DNAH5: variants seen among roughly 807,000 people sequenced by gnomAD.
DNAH5 encodes dynein axonemal heavy chain 5, also known as axonemal beta dynein heavy chain 5.
A neutral mutation model predicts 518.2 loss-of-function variants in DNAH5; 372 were observed. That is an observed-to-expected ratio of 0.72 (90% CI 0.66 to 0.78). The LOEUF is 0.78. Among genes scored for constraint, DNAH5 ranks in the 30% least tolerant of loss-of-function variants. The pLI is 0.00. For synonymous variants in DNAH5, 2,039 were observed against 2,025.9 expected, an observed-to-expected ratio of 1.01 and a Z score of -0.17; for missense variants, 5,523 against 5,687.0, an observed-to-expected ratio of 0.97 and a Z score of 0.93.
chr5:13,758,732 T>C, intron 61 of DNAH5, 114 bp downstream of exon 61: 2 of 1,452,186 alleles, frequency 1.4e-6, no homozygotes, highest in Non-Finnish European at 1.9e-6. Flanking sequence ...GTGTCCATTA[T>C]GTGCTATGTA....
intron 6 of DNAH5, among the ~76,000 whole-genome samples, chr5:13,919,731 G>A (rs1421473014): frequency 6.6e-6 from 1 of 152,046 alleles, no homozygotes; most frequent in Non-Finnish European, 1.5e-5. Context: ...AGAGTATTTG[G>A]GGTATCATCA....
At chr5:13,754,087 T>A in intron 62 of DNAH5, 116 bp downstream of exon 62, 2 of 1,235,214 alleles carry the variant, frequency 1.6e-6, no homozygotes, top group Non-Finnish European at 2.4e-6. Flanking sequence ...TGCGGGTTTG[T>A]TACATATGTA....
Position 13,691,980 on chromosome 5 carries a change from CAT to C in DNAH5, c.*2_*3del, listed in dbSNP as rs1740749375. ...AAGCATTGGGTGGGGACACTCCCCACATGTTACTTGACATCACACAGAAGGGC... is the reference window on the plus strand; with the variant it reads ...AAGCATTGGGTGGGGACACTCCCCACGTTACTTGACATCACACAGAAGGGC... On this transcript the variant is annotated 3_prime_UTR_variant, in exon 79 of 79. Transcript: ENST00000265104. The C allele has an allele frequency of 2.5e-6, 4 of 1,614,124 alleles. No homozygotes were observed. Among genetic ancestry groups the C allele is most frequent in the South Asian group, 1.1e-5 (1 of 91,088 alleles).
intron 65 of DNAH5, among the ~76,000 whole-genome samples, chr5:13,748,271 C>T (rs530433152): frequency 5.3e-5 from 8 of 152,080 alleles, no homozygotes; most frequent in Non-Finnish European, 1.2e-4. Flanking sequence ...ATGCTGTTTT[C>T]GTTACTATAA....
chr5:13,984,816 T>G (rs1782921545), intron 1 of DNAH5, among the ~76,000 whole-genome samples: 1 of 152,230 alleles, frequency 6.6e-6, no homozygotes, highest in Admixed American at 6.5e-5. Flanking sequence ...GTTCTGTATT[T>G]TACACTGTTG....
At chr5:13,844,629 T>C (rs544817835) in intron 32 of DNAH5, among the ~76,000 whole-genome samples, 1 of 152,126 alleles carries the variant, frequency 6.6e-6, no homozygotes, top group East Asian at 1.9e-4. Flanking sequence ...ACTAGCATTT[T>C]TTTTAATTTG....
chr5:13,923,657 CA>C (rs1432391009), intron 3 of DNAH5, among the ~76,000 whole-genome samples: 1 of 152,134 alleles, frequency 6.6e-6, no homozygotes, highest in Non-Finnish European at 1.5e-5. Context: ...ACTGTTGTTT[CA>C]GGGGCAGTGA....
At chr5:13,772,231 T>C (rs1398034448) in intron 55 of DNAH5, among the ~76,000 whole-genome samples, 1 of 152,244 alleles carries the variant, frequency 6.6e-6, no homozygotes, top group Non-Finnish European at 1.5e-5. Flanking sequence ...CTTGGCATTA[T>C]GGGATATTCT....
chr5:13,785,270 C>T (rs1454204261), intron 52 of DNAH5, among the ~76,000 whole-genome samples: 1 of 151,922 alleles, frequency 6.6e-6, no homozygotes, highest in South Asian at 2.1e-4. Context: ...AAATCTAATG[C>T]CACTGGAGGC....
At chr5:13,800,704 ATTTT>A (rs945089661) in intron 47 of DNAH5, among the ~76,000 whole-genome samples, 1 of 152,060 alleles carries the variant, frequency 6.6e-6, no homozygotes, top group Non-Finnish European at 1.5e-5. Flanking sequence ...TTTACCTAGA[ATTTT>A]TTTGTCTCCC....
intron 1 of DNAH5, among the ~76,000 whole-genome samples, chr5:14,006,118 A>G (rs1025604351): frequency 6.6e-6 from 1 of 150,900 alleles, no homozygotes; most frequent in Non-Finnish European, 1.5e-5. Context: ...CATTATTCAA[A>G]AAGATGAAGT....
At chr5:13,697,930 G>A (rs1019612531) in intron 78 of DNAH5, among the ~76,000 whole-genome samples, 5 of 152,204 alleles carry the variant, frequency 3.3e-5, no homozygotes, top group Admixed American at 6.5e-5. Context: ...AAAATTTCAT[G>A]TGTTGAAAAC....
At chr5:13,729,739 A>C (rs548011148) in intron 68 of DNAH5, among the ~76,000 whole-genome samples, 179 bp from the exon 69 acceptor site, 4 of 152,340 alleles carry the variant, frequency 2.6e-5, no homozygotes, top group African/African-American at 9.6e-5. Context: ...TAATTTTAGA[A>C]AAAACTCATT....
In DNAH5 at chr5:13,810,005, A is replaced by T. The variant is rs186580870; in HGVS notation, c.7609+54T>A. 5.9e-5 allele frequency: 88 copies of T among 1,481,244 alleles called. No individual in the cohort carries two copies. In the East Asian group the frequency reaches 2.1e-3, roughly 35 times the overall value. The allele number at this position is 1,481,244 out of a possible 1,614,324, so 91.8% of individuals were successfully genotyped here. On this transcript the variant is annotated intron_variant, in intron 45 of 78. Coordinates refer to ENST00000265104, the MANE Select transcript of DNAH5 (RefSeq NM_001369.3). ...AATATATATGGTGTAAATATTGGCCATGTAGGAAAGAACGGCCCCCATGGG... is the reference window on the plus strand; with the variant it reads ...AATATATATGGTGTAAATATTGGCCTTGTAGGAAAGAACGGCCCCCATGGG...
intron 24 of DNAH5, among the ~76,000 whole-genome samples, chr5:13,869,206 T>G (rs1175165066): frequency 1.3e-5 from 2 of 152,132 alleles, no homozygotes; most frequent in East Asian, 3.9e-4. Context: ...GTGAAAATTT[T>G]CAAAATTCAA....
At chr5:13,912,152 G>A (rs1776063818) in intron 11 of DNAH5, among the ~76,000 whole-genome samples, 2 of 152,112 alleles carry the variant, frequency 1.3e-5, no homozygotes, top group East Asian at 1.9e-4. Context: ...AATGCTCTGC[G>A]ATTCTTCTTA....
chr5:13,802,053 C>T (rs536001917), intron 47 of DNAH5, among the ~76,000 whole-genome samples: 2 of 152,066 alleles, frequency 1.3e-5, no homozygotes, highest in African/African-American at 4.8e-5. Context: ...TCTGTCAATC[C>T]AGTTACTGAT....
intron 1 of DNAH5, among the ~76,000 whole-genome samples, chr5:13,953,018 G>C (rs1780532086): frequency 6.6e-6 from 1 of 152,188 alleles, no homozygotes; most frequent in African/African-American, 2.4e-5. Flanking sequence ...ACAAATCTCT[G>C]ACACTGTTGT....
intron 53 of DNAH5, among the ~76,000 whole-genome samples, chr5:13,778,894 C>A (rs1434087579): frequency 6.6e-6 from 1 of 152,212 alleles, no homozygotes; most frequent in Admixed American, 6.5e-5. Flanking sequence ...CCCAGTATGA[C>A]ATGCAGAGGA....
Sources: allele counts gnomAD v4.1 joint callset (sites outside exome capture counted in the v4.1 genomes callset), GRCh38; gene constraint gnomAD v4.1.1; transcripts MANE v1.5; gene names NCBI Gene and HGNC (gene_info 2026-07-23, HGNC 2026-07-21).